The following COL18A1 variants were observed in gnomAD, a reference collection of about 807,000 sequenced individuals.
COL18A1 encodes collagen type XVIII alpha 1 chain, also known as collagen alpha-1(XVIII) chain.
Under a neutral mutation model 168.0 loss-of-function variants are expected in COL18A1, and 133 were observed. That is an observed-to-expected ratio of 0.79 (90% CI 0.69 to 0.91). The LOEUF (loss-of-function observed/expected upper bound fraction) is 0.91, where lower values mean the gene tolerates loss of function less well. Ranked by LOEUF, COL18A1 falls within the 40% of genes least tolerant of loss-of-function variation. The pLI, the probability that COL18A1 is intolerant of heterozygous loss-of-function variation, is 0.00. For missense variants in COL18A1, 2,126 were observed against 1,925.4 expected (o/e 1.10, Z -1.95); for synonymous variants, 949 against 809.0 (o/e 1.17, Z -2.94).
intron 13 of COL18A1, among the ~76,000 whole-genome samples, 190 bp downstream of exon 13, chr21:45,481,048 G>C (rs2035874603): frequency 6.6e-6 from 1 of 152,204 alleles, no homozygotes; most frequent in Non-Finnish European, 1.5e-5. Context: ...CACCTGAGTG[G>C]CCACCCCATG....
intron 15 of COL18A1, among the ~76,000 whole-genome samples, chr21:45,485,095 G>A (rs1429662884): frequency 6.8e-6 from 1 of 147,054 alleles, no homozygotes; most frequent in South Asian, 2.1e-4. Flanking sequence ...TGAGTCTCCT[G>A]CCTCAGCCTC....
chr21:45,462,366 C>T (rs905163655), intron 2 of COL18A1, among the ~76,000 whole-genome samples: 2 of 152,130 alleles, frequency 1.3e-5, no homozygotes, highest in African/African-American at 4.8e-5. Context: ...CTTTCTTTTT[C>T]TCTTCTGTTT....
intron 19 of COL18A1, 132 bp from the exon 20 acceptor site, chr21:45,490,130 CCACAGCCCCTGCT>C (rs1021740622): frequency 2.4e-6 from 1 of 415,308 alleles, no homozygotes; most frequent in Non-Finnish European, 4.5e-6. Context: ...CTCCATCCCT[CCACAGCCCCTGCT>C]CAGGCCCACA....
intron 2 of COL18A1, among the ~76,000 whole-genome samples, chr21:45,428,186 G>A (rs914529030): frequency 1.3e-5 from 2 of 152,190 alleles, no homozygotes; most frequent in Non-Finnish European, 2.9e-5. Context: ...GTCTGGGCCT[G>A]GGGGCTCTCA....
rs536170087 is a variant in COL18A1 at position 45,506,900 on chromosome 21, A to T, written c.3217-661A>T. 27 of 206,118 alleles carry T rather than the reference A, an allele frequency of 1.3e-4. No individual in the cohort carries two copies. The South Asian group carries it at 2.1e-3, about 16-fold the overall frequency. 12.8% of individuals were successfully genotyped at this position (206,118 alleles called of 1,614,324 possible). A position where few individuals can be genotyped will look rare whatever the true frequency, so the allele number is the denominator to read the frequency against. On this transcript the variant is annotated intron_variant, in intron 37 of 41. Transcript: ENST00000651438. ...CAGTGAATCCCACTCCAGTCCCTTC[A>T]TCTGGCCAGGGAGAGGCTGCCAGTC...
At chr21:45,496,069 G>GCCATGCCCTCCATGCCCT (rs1026365186) in intron 29 of COL18A1, 14 of 344,438 alleles carry the variant, frequency 4.1e-5, no homozygotes, top group Middle Eastern at 1.0e-3. Flanking sequence ...ATGGGCCTGG[G>GCCATGCCCTCCATGCCCT]CCATGCCCTC....
rs994941321 is a variant in COL18A1, at chr21:45,473,715, C to T, written c.652-180C>T. The stretch of plus-strand genomic sequence containing the variant: ...GAAAGCGCCCAGGACGCCCCTGGGT[C>T]TCACCACTTCTTCCTACCATGAGGC... On this transcript the variant is annotated intron_variant, in intron 3 of 41. Transcript: ENST00000651438. The surrounding 1 kb of genome is among the most constrained non-coding windows in gnomAD (Gnocchi z 4.0). Among the ~76,000 whole-genome samples, 4 of 152,180 alleles carry T rather than the reference C, an allele frequency of 2.6e-5. No individual in the cohort carries two copies. Among genetic ancestry groups the T allele is most frequent in the African/African-American group, 9.7e-5 (4 of 41,448 alleles).
At position 45,423,858 on chromosome 21, in the gene COL18A1, T is replaced by A. The variant is rs2033701651; in HGVS notation, c.106+18385T>A. The A allele has an allele frequency of 6.6e-6, 1 of 152,298 alleles. No individual in the cohort carries two copies. The highest frequency in any genetic ancestry group is 2.4e-5 in the African/African-American group (1 of 41,448). The allele number at this position is 152,298 out of a possible 1,614,324, so 9.4% of individuals were successfully genotyped here. A position where few individuals can be genotyped will look rare whatever the true frequency, so the allele number is the denominator to read the frequency against. ...TTAAGACCCTCTTGGAGCAGGGTTC[T>A]GCAGTGTCCTGGGGGCAGAGGCCTG... On this transcript the variant is annotated intron_variant, in intron 2 of 41. Transcript: ENST00000651438. This position sits in a 1 kb window ranked among gnomAD's most constrained non-coding sequence, Gnocchi z 4.0.
chr21:45,456,672 G>A, intron 2 of COL18A1: 2 of 1,532,822 alleles, frequency 1.3e-6, no homozygotes, highest in South Asian at 2.4e-5. Flanking sequence ...CAGACGCACT[G>A]CCACCCCTTC....
At position 45,473,293 on chromosome 21, in the gene COL18A1, GA is replaced by G. The variant is rs1460283972; in HGVS notation, c.652-601del. On this transcript the variant is annotated intron_variant, in intron 3 of 41. Transcript: ENST00000651438. This position sits in a 1 kb window ranked among gnomAD's most constrained non-coding sequence, Gnocchi z 4.0. ...ACTCAGCCCAGGACTGAAGATGCCA[GA>G]GGGAGCGGTGGGTAGGTGGGTGAGT... Among the ~76,000 whole-genome samples the G allele has an allele frequency of 4.6e-5, 7 of 152,400 alleles. No homozygotes were observed. The highest frequency in any genetic ancestry group is 8.8e-5 in the Non-Finnish European group (6 of 68,048).
chr21:45,493,614 C>T (rs1264100742), intron 26 of COL18A1, 39 bp downstream of exon 26: 2 of 1,458,206 alleles, frequency 1.4e-6, no homozygotes, highest in Admixed American at 2.0e-5. Flanking sequence ...GGCGTGGGGG[C>T]TCCTGGGGCT....
intron 32 of COL18A1, among the ~76,000 whole-genome samples, chr21:45,502,353 AAGG>A (rs1353756020): frequency 2.6e-5 from 4 of 152,342 alleles, no homozygotes; most frequent in South Asian, 2.1e-4. Flanking sequence ...TCCCACCTGG[AAGG>A]AGAAGGGGTT....
At chr21:45,470,912 C>A (rs973425852) in intron 3 of COL18A1, among the ~76,000 whole-genome samples, 2 of 143,100 alleles carry the variant, frequency 1.4e-5, no homozygotes, top group Non-Finnish European at 3.1e-5. Flanking sequence ...CTGGGTCTGG[C>A]CCTGGGCTGG....
intron 15 of COL18A1, 150 bp downstream of exon 15, chr21:45,482,971 C>T (rs2035952851): frequency 8.2e-7 from 1 of 1,222,920 alleles, no homozygotes; most frequent in Admixed American, 2.0e-5. Context: ...GTCCATCCGT[C>T]CTGCCGGAAT....
At chr21:45,456,573 G>C in intron 2 of COL18A1, 1 of 1,544,572 alleles carries the variant, frequency 6.5e-7, no homozygotes, top group Non-Finnish European at 8.7e-7. Flanking sequence ...GGCCACCTGG[G>C]CATCTCACGC....
Position 45,497,073 on chromosome 21 carries a change from C to A in COL18A1, c.2601C>A (p.Pro867=). The change falls in exon 31 of 42, where the codon CCC becomes CCA. Residue 867 remains proline (P), a synonymous_variant. Coordinates refer to ENST00000651438, the MANE Select transcript of COL18A1 (RefSeq NM_001379500.1). ...DSNVFAESSR[P]GPPGLPGNQG... is the part of the protein sequence containing the mutation. ...AGGTGTTTGCTGAGTCCAGCCGCCC[C>A]GGGCCTCCAGGATTGCCAGGTGAGG... is the stretch of plus-strand genomic sequence containing the variant. The A allele has an allele frequency of 6.2e-7, 1 of 1,600,048 alleles. No individual in the cohort carries two copies. Among genetic ancestry groups the A allele is most frequent in the Non-Finnish European group, 8.5e-7 (1 of 1,173,774 alleles).
At chr21:45,458,139 C>T (rs1347937562) in intron 2 of COL18A1, among the ~76,000 whole-genome samples, 1 of 137,978 alleles carries the variant, frequency 7.2e-6, no homozygotes, top group Non-Finnish European at 1.6e-5. Context: ...GCAGCGGGGC[C>T]TGGCTGAGCC....
intron 2 of COL18A1, among the ~76,000 whole-genome samples, chr21:45,446,234 C>T (rs956667542): frequency 2.0e-5 from 3 of 152,152 alleles, no homozygotes; most frequent in Admixed American, 6.6e-5. Context: ...ATGAGTTGCC[C>T]GTAGGTTATG....
At position 45,443,092 on chromosome 21, in the gene COL18A1, ATGTGGGCGGCG is replaced by A. The variant is rs2034424449; in HGVS notation, c.107-25149_107-25139del. ...GCTGGTGTGGGTGGTGGTGGTGCTG[ATGTGGGCGGCG>A]GTGCTGGTGTGGGCGGCGGTGCTGG... On this transcript the variant is annotated intron_variant, in intron 2 of 41. Coordinates refer to ENST00000651438, the MANE Select transcript of COL18A1 (RefSeq NM_001379500.1). The surrounding 1 kb of genome is among the most constrained non-coding windows in gnomAD (Gnocchi z 5.2). Among the ~76,000 whole-genome samples the A allele has an allele frequency of 2.5e-5, 2 of 78,950 alleles. No individual in the cohort carries two copies. The highest frequency in any genetic ancestry group is 5.3e-5 in the African/African-American group (1 of 18,986). The allele number at this position is 78,950 out of a possible 152,430, so 51.8% of individuals were successfully genotyped here.
Sources: allele counts gnomAD v4.1 joint callset (sites outside exome capture counted in the v4.1 genomes callset), GRCh38; gene constraint gnomAD v4.1.1; non-coding constraint Gnocchi (gnomAD v3.1); transcripts MANE v1.5; gene names NCBI Gene and HGNC (gene_info 2026-07-23, HGNC 2026-07-21).